VLDLR: variants seen among roughly 807,000 people sequenced by gnomAD.
The protein encoded by VLDLR is very low-density lipoprotein receptor.
VLDLR carries 81 observed loss-of-function variants against 112.7 expected under a neutral mutation model. The observed-to-expected ratio is 0.72, with a 90% confidence interval of 0.60 to 0.86. The LOEUF is 0.86. VLDLR is among the 40% of genes least tolerant of loss of function. The pLI is 0.00. For missense variants in VLDLR, 1,237 were observed against 1,099.4 expected (o/e 1.13, Z -1.77); for synonymous variants, 436 against 384.8 (o/e 1.13, Z -1.56).
intron 2 of VLDLR, 126 bp downstream of exon 2, chr9:2,635,698 T>A (rs1001628087): frequency 2.1e-6 from 3 of 1,443,708 alleles, no homozygotes; most frequent in Non-Finnish European, 2.9e-6. Flanking sequence ...TCTATACTTC[T>A]CTGTGTAAAG....
chr9:2,657,976 A>G lies in VLDLR; in HGVS notation c.*4108A>G, dbSNP rs1234616289. The G allele has an allele frequency of 6.6e-6, 1 of 152,230 alleles. No individual in the cohort carries two copies. The highest frequency in any genetic ancestry group is 2.1e-4 in the South Asian group (1 of 4,828). 9.4% of individuals were successfully genotyped at this position (152,230 alleles called of 1,614,324 possible). ...TTCAGCCATATCATGGGCCTAAACT[A>G]TGAGAGTTCAGAAATATATAAAAGT... On this transcript the variant is annotated 3_prime_UTR_variant, in exon 19 of 19. Coordinates refer to ENST00000382100, the MANE Select transcript of VLDLR (RefSeq NM_003383.5).
chr9:2,628,163 C>T (rs1287043254), intron 1 of VLDLR, among the ~76,000 whole-genome samples: 1 of 152,112 alleles, frequency 6.6e-6, no homozygotes, highest in Non-Finnish European at 1.5e-5. Context: ...GAACTGCAGC[C>T]CATGCCTTAG....
chr9:2,635,440 C>T lies in VLDLR; in HGVS notation c.83-13C>T. On this transcript the variant is annotated splice_polypyrimidine_tract_variant and intron_variant, in intron 1 of 18. Coordinates refer to ENST00000382100, the MANE Select transcript of VLDLR (RefSeq NM_003383.5). Reference sequence around the variant, plus strand: ...CAATCCTTGCTTTACCGAATGTTCCCTTCTTATTCTAGGGAGAAAAGCCAA... The same window carrying T: ...CAATCCTTGCTTTACCGAATGTTCCTTTCTTATTCTAGGGAGAAAAGCCAA... 6.2e-7 allele frequency: 1 copy of T among 1,613,850 alleles called. No homozygotes were observed. Among genetic ancestry groups the T allele is most frequent in the Non-Finnish European group, 8.5e-7 (1 of 1,179,818 alleles).
In VLDLR at chr9:2,646,397, A is replaced by G. The variant is rs1174674981; in HGVS notation, c.1548A>G (p.Ala516=). ...TGATCGACAATGTCTATAATCCTGC[A>G]GCCATTGCTGTTGATTGGGTGTACA... ...VKMIDNVYNP[A]AIAVDWVYKT... is the part of the protein sequence containing the mutation. Residue 516 remains alanine (A), a synonymous_variant, in exon 11 of 19, where the codon GCA becomes GCG. Transcript: ENST00000382100. 3 of 1,614,084 alleles carry G rather than the reference A, an allele frequency of 1.9e-6. No individual in the cohort carries two copies. Among genetic ancestry groups the G allele is most frequent in the Non-Finnish European group, 2.5e-6 (3 of 1,180,028 alleles).
chr9:2,629,869 T>G (rs1817259903), intron 1 of VLDLR, among the ~76,000 whole-genome samples: 1 of 152,208 alleles, frequency 6.6e-6, no homozygotes, highest in Admixed American at 6.5e-5. Context: ...CTATCTCGGC[T>G]CACTGCAACT....
chr9:2,622,486 C>G, intron 1 of VLDLR: 1 of 455,790 alleles, frequency 2.2e-6, no homozygotes, highest in Non-Finnish European at 3.8e-6. Flanking sequence ...TCGGGGTGCC[C>G]CGACGCCTCG....
At chr9:2,653,355 T>C (rs139255497) in intron 18 of VLDLR, among the ~76,000 whole-genome samples, 8 of 152,200 alleles carry the variant, frequency 5.3e-5, no homozygotes, top group Non-Finnish European at 1.0e-4. Context: ...AAAATTATTA[T>C]ATGCTTTGCT....
In VLDLR at chr9:2,653,862, A is replaced by G. The variant is rs1157014071; in HGVS notation, c.2616A>G (p.Leu872=). 1 of 1,613,948 alleles carries G rather than the reference A, an allele frequency of 6.2e-7. No individual in the cohort carries two copies. Among genetic ancestry groups the G allele is most frequent in the Non-Finnish European group, 8.5e-7 (1 of 1,179,848 alleles). ...AISVVSTDDD[L]A is the part of the protein sequence containing the mutation. ...CAGTTGTAAGCACAGATGATGATCT[A>G]GCTTGACTTCTGTGACAAATGTTGA... Residue 872 remains leucine, a synonymous_variant, in exon 19 of 19, where the codon CTA becomes CTG. Transcript: ENST00000382100.
intron 1 of VLDLR, among the ~76,000 whole-genome samples, chr9:2,633,047 A>AGTGTGTGTGTGTGTGT (rs780332222): frequency 1.0e-4 from 10 of 95,410 alleles, no homozygotes; most frequent in South Asian, 6.2e-4. Context: ...AGAGAGAGAG[A>AGTGTGTGTGTGTGTGT]GAGAGTGTGT....
Position 2,652,859 on chromosome 9 carries a change from T to C in VLDLR, c.2496T>C (p.Phe832=), listed in dbSNP as rs1198608993. The change falls in exon 18 of 19, where the codon TTT becomes TTC. Residue 832 remains phenylalanine (F), a synonymous_variant. Transcript: ENST00000382100. ...WQHKNMKSMN[F]DNPVYLKTTE... ...ACAAGAACATGAAAAGCATGAACTTTGACAATCCTGTGTACTTGAAAACCA... is the reference window on the plus strand; with the variant it reads ...ACAAGAACATGAAAAGCATGAACTTCGACAATCCTGTGTACTTGAAAACCA... 1.2e-6 allele frequency: 2 copies of C among 1,614,126 alleles called. No homozygotes were observed. Among genetic ancestry groups the C allele is most frequent in the Admixed American group, 3.3e-5 (2 of 60,010 alleles).
At chr9:2,640,936 T>G (rs1218015594) in intron 3 of VLDLR, among the ~76,000 whole-genome samples, 1 of 152,212 alleles carries the variant, frequency 6.6e-6, no homozygotes, top group Non-Finnish European at 1.5e-5. Flanking sequence ...AAGGACATTG[T>G]GAAGGAGGCC....
In VLDLR at chr9:2,641,596, A is replaced by C. The variant is rs1017448031; in HGVS notation, c.448+97A>C. The C allele has an allele frequency of 4.9e-5, 77 of 1,575,290 alleles. No homozygotes were observed. In the East Asian group the frequency reaches 6.3e-4, roughly 13 times the overall value. Reference sequence around the variant, plus strand: ...AATCTAAGCCTGAAGACGCACTGACATTGACTCACTTTTCAGTGACTTCAC... The same window carrying C: ...AATCTAAGCCTGAAGACGCACTGACCTTGACTCACTTTTCAGTGACTTCAC... On this transcript the variant is annotated intron_variant, in intron 4 of 18. Coordinates refer to ENST00000382100, the MANE Select transcript of VLDLR (RefSeq NM_003383.5).
chr9:2,638,129 C>T (rs1170382116), intron 2 of VLDLR, among the ~76,000 whole-genome samples: 2 of 152,150 alleles, frequency 1.3e-5, no homozygotes, highest in Admixed American at 6.5e-5. Flanking sequence ...TTGAATAGCA[C>T]TTAATTCATT....
At position 2,622,058 on chromosome 9, in the gene VLDLR, C is replaced by T; in HGVS notation, c.-132C>T. 1 of 874,628 alleles carries T rather than the reference C, an allele frequency of 1.1e-6. No homozygotes were observed. The highest frequency in any genetic ancestry group is 1.8e-5 in the African/African-American group (1 of 56,396). The allele number at this position is 874,628 out of a possible 1,614,324, so 54.2% of individuals were successfully genotyped here. On this transcript the variant is annotated 5_prime_UTR_variant, in exon 1 of 19. Transcript: ENST00000382100. ...CTTCCCCGCTCCCTTCCCCCGCCAA[C>T]TCCTTCCCCTCCTTCTCCCCCTTTC... is the stretch of plus-strand genomic sequence containing the variant.
rs886616495 is a variant in VLDLR, at chr9:2,658,178, C to T, written c.*4310C>T. ...CATATCCCTTTCACATCTACCTTCA[C>T]ACAGGAAAGCTGAATGCATTTTACC... On this transcript the variant is annotated 3_prime_UTR_variant, in exon 19 of 19. Coordinates refer to ENST00000382100, the MANE Select transcript of VLDLR (RefSeq NM_003383.5). 5.3e-5 allele frequency: 8 copies of T among 152,308 alleles called. No individual in the cohort carries two copies. The South Asian group carries it at 1.5e-3, about 28-fold the overall frequency. 9.4% of individuals were successfully genotyped at this position (152,308 alleles called of 1,614,324 possible). A position where few individuals can be genotyped will look rare whatever the true frequency, so the allele number is the denominator to read the frequency against.
At position 2,659,915 on chromosome 9, in the gene VLDLR, G is replaced by C. The variant is rs1818740045; in HGVS notation, c.*6047G>C. On this transcript the variant is annotated 3_prime_UTR_variant, in exon 19 of 19. Coordinates refer to ENST00000382100, the MANE Select transcript of VLDLR (RefSeq NM_003383.5). ...AAAGCATGTAATGCCTCAGGAGTCC[G>C]GCATATACAACCAAATTATCATGCT... 6.6e-6 allele frequency: 1 copy of C among 152,106 alleles called. No homozygotes were observed. Among genetic ancestry groups the C allele is most frequent in the Non-Finnish European group, 1.5e-5 (1 of 68,004 alleles). The allele number at this position is 152,106 out of a possible 1,614,324, so 9.4% of individuals were successfully genotyped here.
intron 11 of VLDLR, among the ~76,000 whole-genome samples, chr9:2,647,007 G>C (rs1818108030): frequency 6.6e-6 from 1 of 152,130 alleles, no homozygotes; most frequent in Non-Finnish European, 1.5e-5. Flanking sequence ...GAAATAAACA[G>C]ACCTTTCTAG....
In VLDLR at chr9:2,657,180, A is replaced by C. The variant is rs989589754; in HGVS notation, c.*3312A>C. 2.0e-5 allele frequency: 3 copies of C among 152,172 alleles called. No individual in the cohort carries two copies. Among genetic ancestry groups the C allele is most frequent in the African/African-American group, 7.2e-5 (3 of 41,458 alleles). The allele number at this position is 152,172 out of a possible 1,614,324, so 9.4% of individuals were successfully genotyped here. A position where few individuals can be genotyped will look rare whatever the true frequency, so the allele number is the denominator to read the frequency against. On this transcript the variant is annotated 3_prime_UTR_variant, in exon 19 of 19. Coordinates refer to ENST00000382100, the MANE Select transcript of VLDLR (RefSeq NM_003383.5). ...CCCAAACCTAAAGATTCTAGGGGTC[A>C]CTTATCTCTATTACGTAATCTAACT...
chr9:2,628,941 T>C (rs1817218307), intron 1 of VLDLR, among the ~76,000 whole-genome samples: 1 of 152,238 alleles, frequency 6.6e-6, no homozygotes, highest in African/African-American at 2.4e-5. Flanking sequence ...AGGGTGTTAT[T>C]GGTATATGCT....
Sources: gnomAD v4.1 joint callset for allele counts (sites outside exome capture counted in the v4.1 genomes callset) on GRCh38, gnomAD v4.1.1 for gene constraint, MANE v1.5 for transcripts, NCBI Gene and HGNC (gene_info 2026-07-23, HGNC 2026-07-21) for gene names.